Variants in OGA observed in about 807,000 individuals in gnomAD.
The protein encoded by OGA is O-GlcNAcase.
Under a neutral mutation model 102.0 loss-of-function variants are expected in OGA, and 21 were observed. The ratio of observed to expected loss-of-function variants is 0.21; its 90% CI spans 0.15 to 0.30. The LOEUF (loss-of-function observed/expected upper bound fraction) is 0.30. Ranked by LOEUF, OGA falls within the 10% of genes least tolerant of loss-of-function variation. The probability of loss-of-function intolerance (pLI) is 1.00; values close to 1 mark genes in which losing one functional copy is unlikely to be tolerated. For synonymous variants in OGA, 408 were observed against 378.2 expected (o/e 1.08, Z -0.91); for missense variants, 765 against 1,107.8 (o/e 0.69, Z 4.39).
At chr10:101,791,315 T>G (rs758240067) in intron 13 of OGA, 39 bp downstream of exon 13, 1 of 1,524,006 alleles carries the variant, frequency 6.6e-7, no homozygotes, top group South Asian at 1.1e-5. Flanking sequence ...AGCCTCACTA[T>G]GAAAGGTCTA....
intron 8 of OGA, 29 bp downstream of exon 8, chr10:101,800,213 C>G (rs762785045): frequency 3.7e-6 from 6 of 1,603,498 alleles, no homozygotes; most frequent in Non-Finnish European, 5.1e-6. Flanking sequence ...TGTGATCTAA[C>G]CCCCTTAACA....
At chr10:101,788,516 C>T (rs1440671267) in intron 14 of OGA, among the ~76,000 whole-genome samples, 1 of 151,208 alleles carries the variant, frequency 6.6e-6, no homozygotes, top group Non-Finnish European at 1.5e-5. Flanking sequence ...ACAGGTGAAT[C>T]ACAAGGTCAG....
intron 5 of OGA, 33 bp downstream of exon 5, chr10:101,807,697 A>G: frequency 7.1e-7 from 1 of 1,413,066 alleles, no homozygotes; most frequent in Non-Finnish European, 9.4e-7. Context: ...TTCCAAGAAG[A>G]CTAGTTAAAT....
At chr10:101,795,231 C>A (rs1002248884) in intron 10 of OGA, among the ~76,000 whole-genome samples, 1 of 152,168 alleles carries the variant, frequency 6.6e-6, no homozygotes, top group Non-Finnish European at 1.5e-5. Context: ...TTTGAGACTA[C>A]AACATAACTA....
chr10:101,798,193 C>G (rs1212960626), intron 9 of OGA, 39 bp from the exon 10 acceptor site: 1 of 1,590,430 alleles, frequency 6.3e-7, no homozygotes, highest in African/African-American at 1.3e-5. Flanking sequence ...AAACTGTAAG[C>G]TTAACAAAAT....
chr10:101,787,556 T>G, intron 14 of OGA, 33 bp from the exon 15 acceptor site: 1 of 1,571,952 alleles, frequency 6.4e-7, no homozygotes, highest in Non-Finnish European at 8.7e-7. Flanking sequence ...ACTTTCACAA[T>G]AGTTACGCAT....
Position 101,817,151 on chromosome 10 carries a change from A to C in OGA, c.199+673T>G, listed in dbSNP as rs893370608. ...TCGTTCTTTTCGACTGTAAATGGGA[A>C]AAAAGGCGAGAAGGGCATTTTTAAA... On this transcript the variant is annotated intron_variant, in intron 1 of 15. Transcript: ENST00000361464. 2.0e-5 allele frequency among the ~76,000 whole-genome samples: 3 copies of C among 152,340 alleles called. 1 individual carries two copies. The highest frequency in any genetic ancestry group is 7.2e-5 in the African/African-American group (3 of 41,580).
intron 10 of OGA, among the ~76,000 whole-genome samples, chr10:101,795,425 ACAT>A (rs753713154): frequency 4.7e-4 from 72 of 152,238 alleles, no homozygotes; most frequent in Non-Finnish European, 7.3e-4. Context: ...CGCGCTGTGA[ACAT>A]CTGCCGCTGT....
rs138146056 is a variant in OGA at position 101,818,210 on chromosome 10, C to T, written c.-188G>A. On this transcript the variant is annotated 5_prime_UTR_variant, in exon 1 of 16. Coordinates refer to ENST00000361464, the MANE Select transcript of OGA (RefSeq NM_012215.5). ...AATGCCCGGATGAGAAGGGCGGCGG[C>T]ACCGGCGCGAGCCCTTTGTCAGCCG... 2.2e-4 allele frequency: 290 copies of T among 1,347,248 alleles called. 1 individual carries two copies. In the African/African-American group the frequency reaches 4.0e-3, roughly 19 times the overall value. The allele number at this position is 1,347,248 out of a possible 1,614,324, so 83.5% of individuals were successfully genotyped here. A position where few individuals can be genotyped will look rare whatever the true frequency, so the allele number is the denominator to read the frequency against.
Position 101,803,951 on chromosome 10 carries a change from C to A in OGA, c.820G>T (p.Ala274Ser). The A allele has an allele frequency of 6.2e-7, 1 of 1,613,678 alleles. No homozygotes were observed. Among genetic ancestry groups the A allele is most frequent in the African/African-American group, 1.3e-5 (1 of 75,038 alleles). Residue 274 changes from alanine to serine, a missense_variant, in exon 7 of 16, where the codon GCT becomes TCT. Transcript: ENST00000361464. ...IEEVSKIIKR[A>S]PVIWDNIHAN... ...TGAATGTTATCCCAGATTACTGGAG[C>A]TCTCTTAATAATCTTAGAAACCTCT...
At chr10:101,802,137 T>C (rs980929099) in intron 7 of OGA, among the ~76,000 whole-genome samples, 1 of 150,878 alleles carries the variant, frequency 6.6e-6, no homozygotes, top group Non-Finnish European at 1.5e-5. Context: ...AGAGCGAGGC[T>C]CTGTCTCAAA....
intron 14 of OGA, among the ~76,000 whole-genome samples, chr10:101,788,421 GA>G (rs767434249): frequency 0.095 from 9,767 of 102,278 alleles, 258 homozygotes; most frequent in Middle Eastern, 0.12. Context: ...CCTGGGCGGG[GA>G]AAAAAAAAAA....
In OGA at chr10:101,798,192, G is replaced by A. The variant is rs150657832; in HGVS notation, c.1810-38C>T. Reference sequence around the variant, plus strand: ...AATAAAAAGACTCAAAAAACTGTAAGCTTAACAAAATAATCTGAGACACAG... The same window carrying A: ...AATAAAAAGACTCAAAAAACTGTAAACTTAACAAAATAATCTGAGACACAG... On this transcript the variant is annotated intron_variant, in intron 9 of 15. Transcript: ENST00000361464. 47 of 1,592,084 alleles carry A rather than the reference G, an allele frequency of 3.0e-5. No individual in the cohort carries two copies. The African/African-American group carries it at 3.4e-4, about 11-fold the overall frequency.
rs1219900693 is a variant in OGA at position 101,785,693 on chromosome 10, C to A, written c.*758G>T. On this transcript the variant is annotated 3_prime_UTR_variant, in exon 16 of 16. Coordinates refer to ENST00000361464, the MANE Select transcript of OGA (RefSeq NM_012215.5). ...CACTGGTTTACATTATTCAAAGTGCCATTCTGAACCAACACCCTTTCATTT... is the reference window on the plus strand; with the variant it reads ...CACTGGTTTACATTATTCAAAGTGCAATTCTGAACCAACACCCTTTCATTT... 2.0e-5 allele frequency: 3 copies of A among 152,576 alleles called. No individual in the cohort carries two copies. Among genetic ancestry groups the A allele is most frequent in the African/African-American group, 7.2e-5 (3 of 41,446 alleles). 9.5% of individuals were successfully genotyped at this position (152,576 alleles called of 1,614,324 possible).
chr10:101,813,613 T>G lies in OGA; in HGVS notation c.200-7A>C, dbSNP rs200540327. 7.3e-5 allele frequency: 112 copies of G among 1,525,728 alleles called. No homozygotes were observed. In the Admixed American group the frequency reaches 2.0e-3, roughly 27 times the overall value. 94.5% of individuals were successfully genotyped at this position (1,525,728 alleles called of 1,614,324 possible). A position where few individuals can be genotyped will look rare whatever the true frequency, so the allele number is the denominator to read the frequency against. ...CAAGGTCTTCCATAAAATCCTAGAT[T>G]CAAAGTAAGAATGAAATTATATTCA... is the stretch of plus-strand genomic sequence containing the variant. On this transcript the variant is annotated splice_region_variant and splice_polypyrimidine_tract_variant and intron_variant, in intron 1 of 15. Transcript: ENST00000361464.
intron 3 of OGA, chr10:101,812,776 T>C (rs1333401471): frequency 1.8e-6 from 1 of 566,636 alleles, no homozygotes; most frequent in African/African-American, 1.9e-5. Flanking sequence ...CTGGCAGAAG[T>C]AAGCAGCACA....
At chr10:101,812,049 A>G (rs1420257608) in intron 3 of OGA, among the ~76,000 whole-genome samples, 7 of 152,218 alleles carry the variant, frequency 4.6e-5, no homozygotes, top group Admixed American at 3.9e-4. Context: ...GTAATTCAAG[A>G]AAACTTTCAG....
At chr10:101,809,705 CAAAAA>C (rs373690932) in intron 4 of OGA, among the ~76,000 whole-genome samples, 1 of 59,084 alleles carries the variant, frequency 1.7e-5, no homozygotes, top group African/African-American at 6.5e-5. Flanking sequence ...GACTCTGTCT[CAAAAA>C]AAAAAAAAAA....
At chr10:101,798,274 G>A in intron 9 of OGA, 120 bp from the exon 10 acceptor site, 5 of 878,368 alleles carry the variant, frequency 5.7e-6, no homozygotes, top group Non-Finnish European at 3.4e-6. Context: ...AACCATTAAA[G>A]TATCATTTTG....
Sources: gnomAD v4.1 joint callset for allele counts (sites outside exome capture counted in the v4.1 genomes callset) on GRCh38, gnomAD v4.1.1 for gene constraint, MANE v1.5 for transcripts, NCBI Gene and HGNC (gene_info 2026-07-23, HGNC 2026-07-21) for gene names.